The following PUM2 variants were observed in gnomAD, a reference collection of about 807,000 sequenced individuals.
The protein encoded by PUM2 is pumilio homolog 2.
Under a neutral mutation model 124.5 loss-of-function variants are expected in PUM2, and 57 were observed. The ratio of observed to expected loss-of-function variants is 0.46; its 90% CI spans 0.37 to 0.57. The LOEUF (loss-of-function observed/expected upper bound fraction) is 0.57, where lower values mean the gene tolerates loss of function less well. Ranked by LOEUF, PUM2 falls within the 20% of genes least tolerant of loss-of-function variation. The pLI, the probability that PUM2 is intolerant of heterozygous loss-of-function variation, is 0.00. For synonymous variants in PUM2, 460 were observed against 446.1 expected, an observed-to-expected ratio of 1.03 and a Z score of -0.39; for missense variants, 1,065 against 1,290.6, an observed-to-expected ratio of 0.83 and a Z score of 2.68.
chr2:20,291,291 C>G (rs772660926), intron 9 of PUM2, among the ~76,000 whole-genome samples: 1 of 152,160 alleles, frequency 6.6e-6, no homozygotes, highest in Non-Finnish European at 1.5e-5. Context: ...AGGACAACAT[C>G]GAAGAAACTT....
At chr2:20,327,598 T>C (rs1179046801) in intron 1 of PUM2, among the ~76,000 whole-genome samples, 3 of 152,216 alleles carry the variant, frequency 2.0e-5, no homozygotes, top group Non-Finnish European at 4.4e-5. Flanking sequence ...TTATTCTGTG[T>C]GCCAACAACT....
chr2:20,257,505 C>G (rs1256906977), intron 16 of PUM2, among the ~76,000 whole-genome samples: 1 of 152,054 alleles, frequency 6.6e-6, no homozygotes, highest in African/African-American at 2.4e-5. Context: ...AGTCAGAAAA[C>G]AGTATTGATT....
At chr2:20,302,484 G>A (rs187942082) in intron 7 of PUM2, among the ~76,000 whole-genome samples, 98 of 152,074 alleles carry the variant, frequency 6.4e-4, no homozygotes, top group African/African-American at 2.2e-3. Context: ...AGTCCATTAG[G>A]AATGAGACCC....
chr2:20,321,220 G>C (rs548675464), intron 2 of PUM2, among the ~76,000 whole-genome samples: 40 of 152,244 alleles, frequency 2.6e-4, no homozygotes, highest in African/African-American at 9.4e-4. Flanking sequence ...CTGGGAGGCC[G>C]AGGTTGCAGT....
At chr2:20,320,235 T>A (rs892985969) in intron 2 of PUM2, among the ~76,000 whole-genome samples, 1 of 151,494 alleles carries the variant, frequency 6.6e-6, no homozygotes, top group African/African-American at 2.4e-5. Context: ...GGTGACAGAG[T>A]GAGACTGTCT....
At chr2:20,315,852 A>C (rs1480136142) in intron 3 of PUM2, among the ~76,000 whole-genome samples, 2 of 151,386 alleles carry the variant, frequency 1.3e-5, no homozygotes, top group Non-Finnish European at 2.9e-5. Context: ...AAAAAAAAAA[A>C]AAAAAACAAA....
chr2:20,297,051 T>A (rs1168070943), intron 8 of PUM2, among the ~76,000 whole-genome samples: 1 of 152,202 alleles, frequency 6.6e-6, no homozygotes, highest in Non-Finnish European at 1.5e-5. Flanking sequence ...CAGTTTTTAG[T>A]ACGTTCTTTC....
rs139426308 is a variant in PUM2, at chr2:20,270,842, C to A, written c.1958-7382G>T. 4.3e-4 allele frequency among the ~76,000 whole-genome samples: 66 copies of A among 152,116 alleles called. No homozygotes were observed. The East Asian group carries it at 7.9e-3, about 18-fold the overall frequency. On this transcript the variant is annotated intron_variant, in intron 13 of 20. Transcript: ENST00000361078. ...GAGTATTTTTAGTTGTAGAAAAAGG[C>A]CTGGGCTTTCTTGTTTCTAATCTAG...
intron 10 of PUM2, among the ~76,000 whole-genome samples, chr2:20,288,101 C>T (rs917930778): frequency 2.6e-5 from 4 of 152,044 alleles, no homozygotes; most frequent in African/African-American, 9.7e-5. Flanking sequence ...CTATCTGAAA[C>T]GAAAATTCAA....
chr2:20,297,785 G>A, intron 7 of PUM2, 107 bp from the exon 8 acceptor site: 2 of 1,155,718 alleles, frequency 1.7e-6, no homozygotes, highest in South Asian at 1.5e-5. Flanking sequence ...GGGGTGGGGA[G>A]CAGAGTGTGC....
At chr2:20,333,610 A>AT (rs1558667863) in intron 1 of PUM2, among the ~76,000 whole-genome samples, 1 of 152,174 alleles carries the variant, frequency 6.6e-6, no homozygotes, top group Non-Finnish European at 1.5e-5. Flanking sequence ...GGACATTTAC[A>AT]TTATTAAAAG....
rs1027940731 is a variant in PUM2, at chr2:20,287,357, G to A, written c.1291+3295C>T. ...AGTAATTATCAATGAATGAGCACTGGGAAAGATTGAGGAAAGCTTCATGAA... is the reference window on the plus strand; with the variant it reads ...AGTAATTATCAATGAATGAGCACTGAGAAAGATTGAGGAAAGCTTCATGAA... On this transcript the variant is annotated intron_variant, in intron 10 of 20. Transcript: ENST00000361078. 3.9e-5 allele frequency among the ~76,000 whole-genome samples: 6 copies of A among 152,132 alleles called. No homozygotes were observed. The South Asian group carries it at 6.2e-4, about 16-fold the overall frequency.
At chr2:20,290,451 CGTTG>C (rs1208257538) in intron 10 of PUM2, among the ~76,000 whole-genome samples, 197 bp downstream of exon 10, 4 of 6,890 alleles carry the variant, frequency 5.8e-4, no homozygotes, top group African/African-American at 1.6e-3. Context: ...CCATTCCTGT[CGTTG>C]AGTCTCAATT....
intron 9 of PUM2, among the ~76,000 whole-genome samples, chr2:20,292,267 G>A (rs1423119311): frequency 6.7e-6 from 1 of 148,706 alleles, no homozygotes; most frequent in African/African-American, 2.5e-5. Context: ...AGAGCTTAGC[G>A]CCGTCAGGCC....
At chr2:20,269,418 G>A (rs1207756902) in intron 13 of PUM2, among the ~76,000 whole-genome samples, 2 of 151,990 alleles carry the variant, frequency 1.3e-5, no homozygotes, top group African/African-American at 4.8e-5. Flanking sequence ...AGTCAGGATG[G>A]TCTTGATCTC....
intron 6 of PUM2, 99 bp downstream of exon 6, chr2:20,308,215 C>T (rs1173290527): frequency 6.7e-7 from 1 of 1,487,986 alleles, no homozygotes; most frequent in Non-Finnish European, 9.1e-7. Flanking sequence ...ACATTTAGTA[C>T]TCAAAAACCC....
chr2:20,285,291 C>G (rs777580800), intron 10 of PUM2, among the ~76,000 whole-genome samples: 1 of 152,176 alleles, frequency 6.6e-6, no homozygotes. Flanking sequence ...TCTGCCCTTG[C>G]TCTTTTGTCC....
Position 20,278,776 on chromosome 2 carries a change from T to TAG in PUM2, c.1762_1763dup (p.Ser589TyrfsTer15), listed in dbSNP as rs776259468. ...TTTTGTACAAGTCAGAGCTAGTAGA[T>TAG]AGAGACTCTCTCCTTGTGGCACTAC... On this transcript the variant is annotated frameshift_variant, in exon 13 of 21. Transcript: ENST00000361078. LOFTEE classifies it high-confidence loss of function. The TAG allele has an allele frequency of 6.2e-7, 1 of 1,613,438 alleles. No homozygotes were observed. Among genetic ancestry groups the TAG allele is most frequent in the Non-Finnish European group, 8.5e-7 (1 of 1,179,628 alleles).
chr2:20,261,740 A>T (rs1666341212), intron 14 of PUM2, among the ~76,000 whole-genome samples: 1 of 152,210 alleles, frequency 6.6e-6, no homozygotes, highest in African/African-American at 2.4e-5. Flanking sequence ...CTTAACAAAA[A>T]GTTTAAAAAA....
Sources: gnomAD v4.1 joint callset for allele counts (sites outside exome capture counted in the v4.1 genomes callset) on GRCh38, gnomAD v4.1.1 for gene constraint, MANE v1.5 for transcripts, NCBI Gene and HGNC (gene_info 2026-07-23, HGNC 2026-07-21) for gene names.